FOXP1: variants seen among roughly 807,000 people sequenced by gnomAD.
FOXP1 encodes the protein forkhead box P1, also known as forkhead box protein P1.
FOXP1 carries 15 observed loss-of-function variants against 98.2 expected under a neutral mutation model. That is an observed-to-expected ratio of 0.15 (90% CI 0.10 to 0.24). The LOEUF (loss-of-function observed/expected upper bound fraction) is 0.24, where lower values mean the gene tolerates loss of function less well. Ranked by LOEUF, FOXP1 falls within the 10% of genes least tolerant of loss-of-function variation. FOXP1 has a pLI of 1.00. For synonymous variants in FOXP1, 371 were observed against 314.5 expected, an observed-to-expected ratio of 1.18 and a Z score of -1.90; for missense variants, 633 against 848.5, an observed-to-expected ratio of 0.75 and a Z score of 3.15.
intron 2 of FOXP1, among the ~76,000 whole-genome samples, chr3:71,577,022 A>G (rs538049382): frequency 1.7e-4 from 26 of 152,308 alleles, no homozygotes; most frequent in Admixed American, 1.6e-3. Context: ...AGACATCCAC[A>G]AGCCAATCTG....
intron 6 of FOXP1, among the ~76,000 whole-genome samples, chr3:71,150,328 C>T (rs1016176884): frequency 1.3e-5 from 2 of 152,106 alleles, no homozygotes; most frequent in Non-Finnish European, 2.9e-5. Context: ...ATCATTAAAC[C>T]TACTCAACTG....
intron 6 of FOXP1, among the ~76,000 whole-genome samples, chr3:71,177,075 A>G (rs2061986306): frequency 6.6e-6 from 1 of 152,182 alleles, no homozygotes; most frequent in Non-Finnish European, 1.5e-5. Context: ...AACAAAAACA[A>G]ATGAAAAAAA....
intron 7 of FOXP1, among the ~76,000 whole-genome samples, chr3:71,099,040 A>T (rs1297887551): frequency 6.6e-6 from 1 of 152,220 alleles, no homozygotes; most frequent in Non-Finnish European, 1.5e-5. Flanking sequence ...AAATGCTATG[A>T]TTACCACATT....
chr3:71,314,714 C>A (rs976347427), intron 4 of FOXP1, among the ~76,000 whole-genome samples: 5 of 151,938 alleles, frequency 3.3e-5, no homozygotes, highest in Admixed American at 6.6e-5. Context: ...TCACCTACCT[C>A]AGTGGAGGCA....
intron 2 of FOXP1, among the ~76,000 whole-genome samples, chr3:71,561,810 C>T (rs191596760): frequency 6.3e-4 from 96 of 152,300 alleles, no homozygotes; most frequent in African/African-American, 2.3e-3. Context: ...TATTTTCATT[C>T]ACTATTCCAC....
intron 3 of FOXP1, among the ~76,000 whole-genome samples, chr3:71,448,062 G>A (rs1214483586): frequency 6.6e-6 from 1 of 152,152 alleles, no homozygotes; most frequent in East Asian, 1.9e-4. Flanking sequence ...ACGGGTTGAT[G>A]CCTCTAAACA....
chr3:71,053,923 T>C (rs1036685813), intron 7 of FOXP1, 150 bp from the exon 8 acceptor site: 23 of 815,744 alleles, frequency 2.8e-5, no homozygotes, highest in Non-Finnish European at 4.5e-5. Flanking sequence ...CAGCAACAGA[T>C]CCTATTTAAT....
intron 4 of FOXP1, among the ~76,000 whole-genome samples, chr3:71,348,219 G>A (rs370713544): frequency 5.7e-4 from 86 of 152,058 alleles, no homozygotes; most frequent in Non-Finnish European, 1.1e-3. Flanking sequence ...CATGGATAAG[G>A]GGAAACTACT....
chr3:71,049,748 A>T (rs2049585527), intron 9 of FOXP1, among the ~76,000 whole-genome samples: 2 of 152,148 alleles, frequency 1.3e-5, no homozygotes, highest in African/African-American at 2.4e-5. Context: ...AAACCTTGTT[A>T]AAATCATAAC....
chr3:71,040,704 A>G (rs999378071), intron 11 of FOXP1, among the ~76,000 whole-genome samples: 1 of 152,166 alleles, frequency 6.6e-6, no homozygotes, highest in Non-Finnish European at 1.5e-5. Context: ...ATACTACACT[A>G]TATCCCACAA....
At chr3:71,008,313 C>G (rs1361854836) in intron 12 of FOXP1, among the ~76,000 whole-genome samples, 1 of 152,062 alleles carries the variant, frequency 6.6e-6, no homozygotes, top group African/African-American at 2.4e-5. Flanking sequence ...GGAAGAATTA[C>G]AAATCCACGT....
chr3:71,241,733 C>T (rs1416770874), intron 5 of FOXP1, among the ~76,000 whole-genome samples: 1 of 152,232 alleles, frequency 6.6e-6, no homozygotes, highest in Non-Finnish European at 1.5e-5. Flanking sequence ...CTCAGCTTAA[C>T]TGCATCATTT....
At position 71,577,975 on chromosome 3, in the gene FOXP1, T is replaced by C. The variant is rs548998691; in HGVS notation, c.-298+3574A>G. Among the ~76,000 whole-genome samples the C allele has an allele frequency of 4.6e-5, 7 of 152,192 alleles. 1 individual carries two copies. In the South Asian group the frequency reaches 1.5e-3, roughly 32 times the overall value. ...TAAAAAGAAAAAAAGAAGGCCAATA[T>C]TGCTGGTATAGCAAAAATGGCATTT... On this transcript the variant is annotated intron_variant, in intron 2 of 20. Coordinates refer to ENST00000649528, the MANE Select transcript of FOXP1 (RefSeq NM_001349338.3).
intron 6 of FOXP1, among the ~76,000 whole-genome samples, chr3:71,125,376 T>G (rs1046400350): frequency 6.6e-6 from 1 of 152,180 alleles, no homozygotes; most frequent in African/African-American, 2.4e-5. Context: ...TTTGGAGTTC[T>G]TCCATTCACC....
intron 2 of FOXP1, among the ~76,000 whole-genome samples, chr3:71,552,353 G>C (rs2045842974): frequency 6.6e-6 from 1 of 151,762 alleles, no homozygotes; most frequent in South Asian, 2.1e-4. Context: ...AAAATAACCA[G>C]TAAGAAAATA....
chr3:71,269,858 C>G (rs1184369254), intron 5 of FOXP1, among the ~76,000 whole-genome samples: 2 of 152,254 alleles, frequency 1.3e-5, no homozygotes, highest in East Asian at 1.9e-4. Context: ...ATATCACTCA[C>G]CATTCCAGTC....
At chr3:71,184,386 C>T (rs924037673) in intron 6 of FOXP1, among the ~76,000 whole-genome samples, 7 of 152,136 alleles carry the variant, frequency 4.6e-5, no homozygotes, top group Admixed American at 1.3e-4. Flanking sequence ...GTAATCTGTG[C>T]TCATTTAGTC....
intron 13 of FOXP1, among the ~76,000 whole-genome samples, chr3:70,999,037 A>G (rs1482944838): frequency 6.6e-6 from 1 of 152,238 alleles, no homozygotes; most frequent in Non-Finnish European, 1.5e-5. Context: ...AGGAGCTCCT[A>G]TCACTTTATA....
At chr3:71,090,595 G>A (rs1246160847) in intron 7 of FOXP1, among the ~76,000 whole-genome samples, 1 of 152,152 alleles carries the variant, frequency 6.6e-6, no homozygotes. Flanking sequence ...GATCTTCTTT[G>A]CATATATGTA....
Sources: gnomAD v4.1 joint callset for allele counts (sites outside exome capture counted in the v4.1 genomes callset) on GRCh38, gnomAD v4.1.1 for gene constraint, MANE v1.5 for transcripts, NCBI Gene and HGNC (gene_info 2026-07-23, HGNC 2026-07-21) for gene names.